The following RPF2 variants were observed in gnomAD, a reference collection of about 807,000 sequenced individuals.
RPF2 encodes ribosome production factor 2 homolog.
Under a neutral mutation model 38.9 loss-of-function variants are expected in RPF2, and 21 were observed. The ratio of observed to expected loss-of-function variants is 0.54; its 90% confidence interval spans 0.38 to 0.78. The LOEUF (loss-of-function observed/expected upper bound fraction) is 0.78, where lower values mean the gene tolerates loss of function less well. RPF2 is among the 30% of genes least tolerant of loss of function. The pLI is 0.00. For synonymous variants in RPF2, 121 were observed against 126.2 expected, an observed-to-expected ratio of 0.96 and a Z score of 0.28; for missense variants, 314 against 358.1, an observed-to-expected ratio of 0.88 and a Z score of 0.99.
At chr6:111,002,717 A>T (rs934763244) in intron 6 of RPF2, among the ~76,000 whole-genome samples, 2 of 152,092 alleles carry the variant, frequency 1.3e-5, no homozygotes, top group Non-Finnish European at 2.9e-5. Flanking sequence ...AATTTTATTA[A>T]TTGAGAATGT....
At chr6:110,997,121 G>T in intron 4 of RPF2, 62 bp from the exon 5 acceptor site, 1 of 1,084,676 alleles carries the variant, frequency 9.2e-7, no homozygotes. Flanking sequence ...ATTTTTAAAG[G>T]TAAGATTCTT....
At chr6:110,984,482 T>TA (rs1299308387) in intron 1 of RPF2, among the ~76,000 whole-genome samples, 6 of 152,000 alleles carry the variant, frequency 3.9e-5, no homozygotes, top group East Asian at 1.9e-4. Flanking sequence ...AGCTTTTTTT[T>TA]AAAAGCTATC....
At chr6:110,998,960 A>T (rs1042258748) in intron 5 of RPF2, among the ~76,000 whole-genome samples, 8 of 145,478 alleles carry the variant, frequency 5.5e-5, no homozygotes, top group Non-Finnish European at 3.1e-5. Context: ...AAAAAAAAAA[A>T]AAATTTATGT....
chr6:110,996,812 G>GT (rs930741486), intron 4 of RPF2, among the ~76,000 whole-genome samples: 13 of 151,726 alleles, frequency 8.6e-5, no homozygotes, highest in African/African-American at 2.7e-4. Flanking sequence ...GTTTTGTTTT[G>GT]TTTTTTTTAG....
chr6:110,999,883 C>T, intron 6 of RPF2, 96 bp downstream of exon 6: 2 of 655,660 alleles, frequency 3.1e-6, no homozygotes, highest in Non-Finnish European at 5.4e-6. Flanking sequence ...TTTTGTAGAT[C>T]AAGAACTTTG....
chr6:110,995,814 CTCTT>C (rs921169214), intron 4 of RPF2, among the ~76,000 whole-genome samples: 16 of 151,976 alleles, frequency 1.1e-4, no homozygotes, highest in Non-Finnish European at 2.4e-4. Context: ...TAAGATCTCT[CTCTT>C]TCTTTTTTCC....
chr6:110,983,027 C>T (rs147310519), intron 1 of RPF2, among the ~76,000 whole-genome samples: 267 of 152,284 alleles, frequency 1.8e-3, no homozygotes, highest in Middle Eastern at 3.4e-3. Flanking sequence ...GACATTATAT[C>T]TGGAGGAGTA....
At chr6:111,019,511 T>C (rs1048588221) in intron 8 of RPF2, among the ~76,000 whole-genome samples, 4 of 151,042 alleles carry the variant, frequency 2.6e-5, no homozygotes, top group African/African-American at 9.7e-5. Flanking sequence ...CTGAGGCGGG[T>C]GGATCACCTG....
intron 9 of RPF2, 152 bp downstream of exon 9, chr6:111,024,479 C>T (rs4947094): frequency 0.12 from 66,922 of 544,114 alleles, 8,690 homozygotes; most frequent in East Asian, 0.62. Flanking sequence ...TTTGGGAGGC[C>T]GAAGTGGGTG....
At chr6:111,004,570 G>GTTTTTTTT in intron 6 of RPF2, among the ~76,000 whole-genome samples, 1 of 150,428 alleles carries the variant, frequency 6.6e-6, no homozygotes. Flanking sequence ...TTTGGAGACA[G>GTTTTTTTT]GGTCTTGCTT....
At chr6:110,996,019 T>C (rs1258671548) in intron 4 of RPF2, among the ~76,000 whole-genome samples, 1 of 152,118 alleles carries the variant, frequency 6.6e-6, no homozygotes, top group African/African-American at 2.4e-5. Context: ...GGTTTCACTA[T>C]GTTGCTCAGG....
At chr6:110,993,655 T>C (rs1403100025) in intron 4 of RPF2, among the ~76,000 whole-genome samples, 1 of 152,214 alleles carries the variant, frequency 6.6e-6, no homozygotes, top group Non-Finnish European at 1.5e-5. Context: ...TTTTTTAGTC[T>C]AGTGTTGATA....
chr6:111,022,387 G>A (rs972868855), intron 8 of RPF2, among the ~76,000 whole-genome samples: 9 of 152,216 alleles, frequency 5.9e-5, no homozygotes, highest in Admixed American at 5.2e-4. Flanking sequence ...CCATCTGAGA[G>A]AGAAAGAACT....
Position 111,015,772 on chromosome 6 carries a change from C to T in RPF2, c.512C>T (p.Thr171Ile), listed in dbSNP as rs1261446133. ...SLLIDFFRGPTVSNIRLAGLE... is the reference protein window; with the variant it reads ...SLLIDFFRGPIVSNIRLAGLE... Reference sequence around the variant, plus strand: ...CTTTTAGATTTCTTCAGAGGCCCCACAGTATCAAATATCCGCCTGGCTGGA... The same window carrying T: ...CTTTTAGATTTCTTCAGAGGCCCCATAGTATCAAATATCCGCCTGGCTGGA... Residue 171 changes from threonine to isoleucine, a missense_variant, in exon 8 of 10, where the codon ACA becomes ATA. Transcript: ENST00000441448. The T allele has an allele frequency of 6.2e-7, 1 of 1,609,298 alleles. No individual in the cohort carries two copies. Among genetic ancestry groups the T allele is most frequent in the East Asian group, 2.2e-5 (1 of 44,872 alleles).
At chr6:111,012,162 A>ATTTTTTTTTTTTTTTT (rs570516659) in intron 7 of RPF2, among the ~76,000 whole-genome samples, 5 of 115,626 alleles carry the variant, frequency 4.3e-5, no homozygotes, top group Admixed American at 8.9e-5. Context: ...TGTTTACATC[A>ATTTTTTTTTTTTTTTT]TTTTTTTTTT....
intron 7 of RPF2, 62 bp downstream of exon 7, chr6:111,008,199 T>G (rs1344339212): frequency 1.5e-5 from 22 of 1,488,426 alleles, no homozygotes; most frequent in Admixed American, 2.5e-5. Context: ...AGACTCTCAC[T>G]GGTGGCACTT....
chr6:111,025,575 A>G lies in RPF2; in HGVS notation c.914A>G (p.Lys305Arg), dbSNP rs1772312354. Residue 305 changes from lysine to arginine, a missense_variant, in exon 10 of 10, where the codon AAA (lysine) becomes AGA (arginine). Coordinates refer to ENST00000441448, the MANE Select transcript of RPF2 (RefSeq NM_032194.3). ...DHEKKSKRIKKN is the reference protein window; with the variant it reads ...DHEKKSKRIKRN ...GAGAAAAAGTCAAAAAGAATTAAAA[A>G]AAATTGATGGAACTTAGCCAGCCAC... The G allele has an allele frequency of 6.2e-7, 1 of 1,604,784 alleles. No individual in the cohort carries two copies. The highest frequency in any genetic ancestry group is 8.5e-7 in the Non-Finnish European group (1 of 1,177,426).
intron 6 of RPF2, among the ~76,000 whole-genome samples, chr6:111,000,822 T>C (rs1436658294): frequency 2.0e-5 from 3 of 152,218 alleles, no homozygotes; most frequent in Non-Finnish European, 4.4e-5. Context: ...ATCACACATA[T>C]GGTCAGTATA....
At chr6:111,015,347 T>C (rs9320355) in intron 7 of RPF2, among the ~76,000 whole-genome samples, 24,713 of 152,024 alleles carry the variant, frequency 0.16, 2,551 homozygotes, top group East Asian at 0.53. Context: ...GCCTCCCTCA[T>C]AGAAAAAAAA....
Sources: gnomAD v4.1 joint callset for allele counts (sites outside exome capture counted in the v4.1 genomes callset) on GRCh38, gnomAD v4.1.1 for gene constraint, MANE v1.5 for transcripts, NCBI Gene and HGNC (gene_info 2026-07-23, HGNC 2026-07-21) for gene names.